ART3: variants seen among roughly 807,000 people sequenced by gnomAD.
The protein encoded by ART3 is ADP-ribosyltransferase 3 (inactive), also known as ecto-ADP-ribosyltransferase 3.
ART3 carries 49 observed loss-of-function variants against 48.5 expected under a neutral mutation model. The ratio of observed to expected loss-of-function variants is 1.01; its 90% CI spans 0.80 to 1.28. The LOEUF is 1.28. Among genes scored for constraint, ART3 ranks in the 50% most tolerant of loss-of-function variants. The probability of loss-of-function intolerance (pLI) is 0.00; values close to 1 mark genes in which losing one functional copy is unlikely to be tolerated. For missense variants in ART3, 438 were observed against 454.3 expected (o/e 0.96, Z 0.33); for synonymous variants, 145 against 157.2 (o/e 0.92, Z 0.58).
At chr4:76,109,731 C>T (rs1729124072) in intron 11 of ART3, among the ~76,000 whole-genome samples, 1 of 152,108 alleles carries the variant, frequency 6.6e-6, no homozygotes, top group South Asian at 2.1e-4. Context: ...CTTATGGGAT[C>T]TCTGTCATAC....
intron 1 of ART3, among the ~76,000 whole-genome samples, chr4:76,039,908 C>T (rs1043554379): frequency 6.6e-6 from 1 of 152,202 alleles, no homozygotes; most frequent in Non-Finnish European, 1.5e-5. Context: ...TCACAATTTT[C>T]TCCTTCAGTA....
At chr4:76,059,172 A>C (rs565640466) in intron 1 of ART3, among the ~76,000 whole-genome samples, 1 of 151,952 alleles carries the variant, frequency 6.6e-6, no homozygotes, top group African/African-American at 2.4e-5. Flanking sequence ...TATAGTTCAC[A>C]ATGTATGGAG....
At chr4:76,048,023 A>G (rs973070661) in intron 1 of ART3, among the ~76,000 whole-genome samples, 6 of 152,078 alleles carry the variant, frequency 3.9e-5, no homozygotes, top group Non-Finnish European at 5.9e-5. Context: ...TGAAGGGGAC[A>G]TAACCTATAG....
intron 3 of ART3, among the ~76,000 whole-genome samples, chr4:76,084,906 C>A (rs1333204544): frequency 6.6e-6 from 1 of 152,152 alleles, no homozygotes; most frequent in Non-Finnish European, 1.5e-5. Context: ...GGAAGGACAG[C>A]AGTACTCTCG....
At chr4:76,079,377 G>GT (rs1411980780) in intron 2 of ART3, among the ~76,000 whole-genome samples, 1 of 152,128 alleles carries the variant, frequency 6.6e-6, no homozygotes, top group Non-Finnish European at 1.5e-5. Flanking sequence ...GAACCAGGTC[G>GT]TTGTGGCTGT....
At chr4:76,052,519 T>C (rs1023730937) in intron 1 of ART3, among the ~76,000 whole-genome samples, 2 of 152,092 alleles carry the variant, frequency 1.3e-5, no homozygotes, top group Non-Finnish European at 1.5e-5. Context: ...TATTGCATAG[T>C]GGTGAAATTA....
chr4:76,104,787 TA>T (rs2149698633), intron 10 of ART3, among the ~76,000 whole-genome samples, 158 bp downstream of exon 10: 1 of 152,324 alleles, frequency 6.6e-6, no homozygotes, highest in African/African-American at 2.4e-5. Flanking sequence ...GTAAGGACTA[TA>T]AAACCATGGA....
intron 1 of ART3, among the ~76,000 whole-genome samples, chr4:76,068,277 T>A (rs945886742): frequency 4.6e-5 from 7 of 152,204 alleles, no homozygotes; most frequent in African/African-American, 1.4e-4. Flanking sequence ...ATAAAACATT[T>A]CATCACCCAA....
upstream of ART3, among the ~76,000 whole-genome samples, chr4:76,073,927 T>G (rs1158261619): frequency 6.6e-6 from 1 of 152,250 alleles, no homozygotes; most frequent in East Asian, 1.9e-4. Flanking sequence ...GTCTAACCAT[T>G]CTACTGTTGA....
intron 3 of ART3, among the ~76,000 whole-genome samples, chr4:76,088,282 A>G (rs17001366): frequency 0.012 from 1,835 of 151,028 alleles, 43 homozygotes; most frequent in African/African-American, 0.042. Flanking sequence ...GTAGGCAGAG[A>G]TTATCTGGCA....
chr4:76,090,439 G>C (rs1724618586), intron 3 of ART3, among the ~76,000 whole-genome samples: 1 of 152,228 alleles, frequency 6.6e-6, no homozygotes, highest in Non-Finnish European at 1.5e-5. Context: ...TACAAATTCT[G>C]ACGTAGCCTT....
At chr4:76,035,373 G>A in intron 1 of ART3, 1 of 1,608,350 alleles carries the variant, frequency 6.2e-7, no homozygotes. Context: ...AGTTAGTAAT[G>A]CATCTGATTG....
At position 76,023,338 on chromosome 4, in the gene ART3, T is replaced by C. The variant is rs4241578; in HGVS notation, c.-10+12018T>C. 858,581 of 1,537,364 alleles carry C rather than the reference T, an allele frequency of 0.56. 247,689 individuals carry two copies. Among genetic ancestry groups the C allele is most frequent in the East Asian group, 0.94 (41,690 of 44,540 alleles). On this transcript the variant is annotated intron_variant, in intron 1 of 9. Transcript: ENST00000341029. ...ATTTATACCTATTCCTATTTCTCAT[T>C]TTACAAATTAAGTATCCTTTGATGT... is the stretch of plus-strand genomic sequence containing the variant.
At chr4:76,011,531 G>C (rs1731793824) in intron 1 of ART3, among the ~76,000 whole-genome samples, 1 of 152,232 alleles carries the variant, frequency 6.6e-6, no homozygotes, top group African/African-American at 2.4e-5. Flanking sequence ...ACTGGGCTTA[G>C]GGGTAACCCT....
chr4:76,028,542 T>C (rs1472937206), intron 1 of ART3, among the ~76,000 whole-genome samples: 2 of 152,212 alleles, frequency 1.3e-5, no homozygotes, highest in Admixed American at 6.5e-5. Context: ...GAAACTGTTA[T>C]GCTTAGAAGA....
intron 1 of ART3, among the ~76,000 whole-genome samples, chr4:76,012,969 T>A (rs903294366): frequency 2.0e-5 from 3 of 152,248 alleles, no homozygotes; most frequent in African/African-American, 7.2e-5. Context: ...TCCACCAAAC[T>A]TTTATTCTTA....
intron 2 of ART3, among the ~76,000 whole-genome samples, chr4:76,079,983 C>CT (rs577911320): frequency 1.8e-4 from 27 of 151,058 alleles, no homozygotes; most frequent in Non-Finnish European, 2.4e-4. Flanking sequence ...GAACCTGTAA[C>CT]TTTTTTTTTG....
chr4:76,023,479 A>G (rs1733080522), intron 1 of ART3: 3 of 1,536,024 alleles, frequency 2.0e-6, no homozygotes, highest in Non-Finnish European at 2.7e-6. Context: ...AATATGTCTA[A>G]GCAATTGAGG....
At chr4:76,084,044 A>AT (rs1168190164) in intron 3 of ART3, among the ~76,000 whole-genome samples, 5 of 151,810 alleles carry the variant, frequency 3.3e-5, no homozygotes, top group African/African-American at 7.3e-5. Context: ...TTATTCTATG[A>AT]TTTTTTTGTT....
Sources: gnomAD v4.1 joint callset for allele counts (sites outside exome capture counted in the v4.1 genomes callset) on GRCh38, gnomAD v4.1.1 for gene constraint, MANE v1.5 for transcripts, NCBI Gene and HGNC (gene_info 2026-07-23, HGNC 2026-07-21) for gene names.